RBMS3: variants seen among roughly 807,000 people sequenced by gnomAD.
RBMS3 encodes RNA binding motif single stranded interacting protein 3.
RBMS3 carries 27 observed loss-of-function variants against 66.8 expected under a neutral mutation model. The observed-to-expected ratio is 0.40, with a 90% CI of 0.30 to 0.56. The LOEUF (loss-of-function observed/expected upper bound fraction) is 0.56. Among genes scored for constraint, RBMS3 ranks in the 20% least tolerant of loss-of-function variants. The pLI, the probability that RBMS3 is intolerant of heterozygous loss-of-function variation, is 0.40. For synonymous variants in RBMS3, 188 were observed against 183.0 expected, an observed-to-expected ratio of 1.03 and a Z score of -0.22; for missense variants, 513 against 549.5, an observed-to-expected ratio of 0.93 and a Z score of 0.66.
intron 3 of RBMS3, among the ~76,000 whole-genome samples, chr3:29,551,011 G>A (rs1334905462): frequency 1.3e-5 from 2 of 152,208 alleles, no homozygotes; most frequent in African/African-American, 4.8e-5. Flanking sequence ...TATACATCAA[G>A]AGAGTGATTA....
At chr3:29,991,033 C>G (rs767570929) in intron 13 of RBMS3, 49 bp from the exon 14 acceptor site, 1 of 1,572,998 alleles carries the variant, frequency 6.4e-7, no homozygotes, top group East Asian at 2.2e-5. Context: ...CTAGAGAGGG[C>G]CCTTCACTGA....
chr3:29,936,730 T>A (rs1273161835), intron 11 of RBMS3, among the ~76,000 whole-genome samples: 1 of 152,092 alleles, frequency 6.6e-6, no homozygotes, highest in Non-Finnish European at 1.5e-5. Context: ...TGTGCTTGAT[T>A]TTTTCTTATA....
At chr3:29,536,294 G>A (rs2045555742) in intron 3 of RBMS3, among the ~76,000 whole-genome samples, 1 of 152,108 alleles carries the variant, frequency 6.6e-6, no homozygotes, top group South Asian at 2.1e-4. Flanking sequence ...ATTTTTGTAT[G>A]TGCATGTGAC....
At chr3:29,936,005 T>C in intron 10 of RBMS3, 81 bp from the exon 11 acceptor site, 2 of 1,154,006 alleles carry the variant, frequency 1.7e-6, no homozygotes, top group Non-Finnish European at 2.5e-6. Flanking sequence ...GTTCACACAT[T>C]TACAATTTAC....
chr3:29,921,011 G>T (rs1342887831), intron 10 of RBMS3, among the ~76,000 whole-genome samples: 2 of 152,074 alleles, frequency 1.3e-5, no homozygotes, highest in Non-Finnish European at 2.9e-5. Context: ...AATATTTGTT[G>T]GGTCTAGCCT....
rs868234491 is a variant in RBMS3, at chr3:29,697,387, C to T, written c.400-42333C>T. Among the ~76,000 whole-genome samples the T allele has an allele frequency of 2.7e-4, 41 of 152,332 alleles. 1 individual carries two copies. In the South Asian group the frequency reaches 5.0e-3, roughly 18 times the overall value. On this transcript the variant is annotated intron_variant, in intron 4 of 14. Coordinates refer to ENST00000383767, the MANE Select transcript of RBMS3 (RefSeq NM_001003793.3). The stretch of plus-strand genomic sequence containing the variant: ...ATTTTACTTACATGCTTGTCCATCT[C>T]TCTGAAACGTTGGGGGAACATGACC...
chr3:29,669,500 C>A (rs543578850), intron 4 of RBMS3, among the ~76,000 whole-genome samples: 5 of 152,140 alleles, frequency 3.3e-5, no homozygotes, highest in Non-Finnish European at 7.3e-5. Context: ...TTGTACCACA[C>A]GGTTTTTAAG....
At chr3:29,688,223 A>G (rs117048655) in intron 4 of RBMS3, among the ~76,000 whole-genome samples, 4,166 of 152,194 alleles carry the variant, frequency 0.027, 79 homozygotes, top group Admixed American at 0.063. Context: ...ACAATGACCA[A>G]TCTTCCAATG....
At chr3:29,354,111 C>CT (rs1559510736) in intron 1 of RBMS3, among the ~76,000 whole-genome samples, 2 of 151,946 alleles carry the variant, frequency 1.3e-5, no homozygotes, top group African/African-American at 2.4e-5. Flanking sequence ...TTATGAAATA[C>CT]TTTTTTAAAT....
At chr3:29,949,957 T>C (rs1695563748) in intron 12 of RBMS3, among the ~76,000 whole-genome samples, 1 of 151,826 alleles carries the variant, frequency 6.6e-6, no homozygotes, top group South Asian at 2.1e-4. Context: ...GACATCTTTG[T>C]CACACCACCT....
At chr3:29,919,804 T>A (rs2060723668) in intron 10 of RBMS3, among the ~76,000 whole-genome samples, 1 of 152,236 alleles carries the variant, frequency 6.6e-6, no homozygotes, top group Admixed American at 6.5e-5. Context: ...AAGCAGCTGC[T>A]CCTGCTGCTT....
At chr3:29,298,597 AT>A (rs57337998) in intron 1 of RBMS3, among the ~76,000 whole-genome samples, 30 of 148,930 alleles carry the variant, frequency 2.0e-4, no homozygotes, top group South Asian at 4.2e-4. Flanking sequence ...GGTGTTTGGC[AT>A]TTTTTTTTTC....
chr3:29,299,278 A>G (rs1172482392), intron 1 of RBMS3, among the ~76,000 whole-genome samples: 1 of 151,950 alleles, frequency 6.6e-6, no homozygotes, highest in Admixed American at 6.6e-5. Flanking sequence ...ACAGACTTAG[A>G]TGAAACAATG....
chr3:29,495,232 ACTGGACTGAATC>A (rs1378058421), intron 3 of RBMS3, among the ~76,000 whole-genome samples: 1 of 152,048 alleles, frequency 6.6e-6, no homozygotes, highest in Non-Finnish European at 1.5e-5. Context: ...TGACTTTGTT[ACTGGACTGAATC>A]CATTTAGCAG....
At chr3:29,976,415 C>T (rs71321118) in intron 12 of RBMS3, among the ~76,000 whole-genome samples, 2,592 of 152,106 alleles carry the variant, frequency 0.017, 32 homozygotes, top group Admixed American at 0.03. Flanking sequence ...ATATTAGTAC[C>T]TTAAGCAAAT....
intron 2 of RBMS3, among the ~76,000 whole-genome samples, chr3:29,458,920 A>G (rs942160959): frequency 6.6e-6 from 1 of 152,116 alleles, no homozygotes; most frequent in East Asian, 1.9e-4. Flanking sequence ...CTTTTATTCA[A>G]TTTATCTAAT....
chr3:29,363,951 T>C (rs998850053), intron 1 of RBMS3, among the ~76,000 whole-genome samples: 2 of 152,158 alleles, frequency 1.3e-5, no homozygotes, highest in Admixed American at 1.3e-4. Context: ...GTTACTTTCA[T>C]ATACTATTAA....
chr3:29,625,977 T>A (rs867924580), intron 4 of RBMS3, among the ~76,000 whole-genome samples: 2 of 152,166 alleles, frequency 1.3e-5, no homozygotes, highest in Middle Eastern at 3.4e-3. Flanking sequence ...AAAGAACAGT[T>A]CCAGAATATG....
At chr3:29,295,300 TATATCTATATATATAC>T (rs1426876639) in intron 1 of RBMS3, among the ~76,000 whole-genome samples, 4 of 3,576 alleles carry the variant, frequency 1.1e-3, no homozygotes, top group Non-Finnish European at 3.7e-3. Flanking sequence ...TATATACATA[TATATCTATATATATAC>T]ATATATATAT....
Sources: gnomAD v4.1 joint callset for allele counts (sites outside exome capture counted in the v4.1 genomes callset) on GRCh38, gnomAD v4.1.1 for gene constraint, MANE v1.5 for transcripts, NCBI Gene and HGNC (gene_info 2026-07-23, HGNC 2026-07-21) for gene names.